OIT3: variants seen among roughly 807,000 people sequenced by gnomAD.
OIT3 encodes oncoprotein induced transcript 3.
Under a neutral mutation model 52.2 loss-of-function variants are expected in OIT3, and 41 were observed. The ratio of observed to expected loss-of-function variants is 0.79; its 90% CI spans 0.61 to 1.02. The LOEUF (loss-of-function observed/expected upper bound fraction) is 1.02, where lower values mean the gene tolerates loss of function less well. Ranked by LOEUF, OIT3 falls within the 50% of genes least tolerant of loss-of-function variation. The probability of loss-of-function intolerance (pLI) is 0.00; values close to 1 mark genes in which losing one functional copy is unlikely to be tolerated. For missense variants in OIT3, 634 were observed against 715.5 expected (o/e 0.89, Z 1.30); for synonymous variants, 244 against 276.9 (o/e 0.88, Z 1.18).
intron 8 of OIT3, among the ~76,000 whole-genome samples, chr10:72,931,497 C>T (rs532145054): frequency 1.1e-4 from 17 of 152,104 alleles, no homozygotes; most frequent in African/African-American, 4.1e-4. Context: ...TAAAAACAAA[C>T]AAAACAAATT....
At chr10:72,930,674 T>G in intron 8 of OIT3, 37 bp downstream of exon 8, 26 of 1,011,198 alleles carry the variant, frequency 2.6e-5, no homozygotes, top group Non-Finnish European at 3.6e-5. Flanking sequence ...CCCCTGAACC[T>G]GAGCCTTTTT....
chr10:72,915,090 T>C (rs1846062132), intron 6 of OIT3, among the ~76,000 whole-genome samples: 1 of 152,138 alleles, frequency 6.6e-6, no homozygotes, highest in African/African-American at 2.4e-5. Context: ...GGTCTTGAAC[T>C]CCTGACCTCA....
At chr10:72,918,651 A>C (rs995589258) in intron 6 of OIT3, 8 of 625,964 alleles carry the variant, frequency 1.3e-5, no homozygotes, top group Non-Finnish European at 2.3e-5. Context: ...TTTTTAACCC[A>C]TCTTGAGTTA....
chr10:72,925,141 C>A (rs1334515389), intron 7 of OIT3, among the ~76,000 whole-genome samples: 1 of 145,910 alleles, frequency 6.9e-6, no homozygotes, highest in African/African-American at 2.5e-5. Context: ...AAAAAGGCTC[C>A]AAGTGGTCTA....
chr10:72,902,162 G>A (rs941689559), intron 3 of OIT3, among the ~76,000 whole-genome samples: 2 of 152,130 alleles, frequency 1.3e-5, no homozygotes, highest in East Asian at 3.8e-4. Flanking sequence ...TAGGGATCTC[G>A]TGTGATTGAT....
rs543511001 is a variant in OIT3, at chr10:72,929,307, C to T, written c.1368-1231C>T. Among the ~76,000 whole-genome samples the T allele has an allele frequency of 3.1e-3, 476 of 151,674 alleles. 4 individuals are homozygous for T. The highest frequency in any genetic ancestry group is 4.8e-3 in the Non-Finnish European group (325 of 67,906). On this transcript the variant is annotated intron_variant, in intron 7 of 8. Coordinates refer to ENST00000334011, the MANE Select transcript of OIT3 (RefSeq NM_152635.3). ...TTAATATCTGACCTCCACTTTTTTC[C>T]TGGCCCAGAAGACAGGAACTATTAG...
Position 72,898,670 on chromosome 10 carries a change from A to G in OIT3, c.68A>G (p.Asp23Gly). Residue 23 changes from aspartate to glycine, a missense_variant, in exon 2 of 9, where the codon GAT becomes GGT. Physicochemically the swap from Asp to Gly is moderately conservative, Grantham distance 94 (BLOSUM62 -1). Coordinates refer to ENST00000334011, the MANE Select transcript of OIT3 (RefSeq NM_152635.3). ...GTATCTTTTTCATTTCCAGCCCTAG[A>G]TCCTTGTTCTGCTTACATCAGCCTG... ...TGTSVSPVAL[D>G]PCSAYISLNE... 6.2e-7 allele frequency: 1 copy of G among 1,602,804 alleles called. No individual in the cohort carries two copies. Among genetic ancestry groups the G allele is most frequent in the Admixed American group, 1.7e-5 (1 of 59,676 alleles).
At chr10:72,927,841 C>T (rs573433545) in intron 7 of OIT3, among the ~76,000 whole-genome samples, 3 of 152,252 alleles carry the variant, frequency 2.0e-5, no homozygotes, top group Admixed American at 1.3e-4. Context: ...ACTGGTTCTT[C>T]GAGATTCATG....
chr10:72,920,523 G>A (rs573323479), intron 6 of OIT3, among the ~76,000 whole-genome samples: 4 of 151,948 alleles, frequency 2.6e-5, no homozygotes, highest in Admixed American at 6.6e-5. Flanking sequence ...TTGTGATGTC[G>A]GGTTGTTAAC....
rs138853485 is a variant in OIT3, at chr10:72,924,325, C to G, written c.1048C>G (p.Leu350Val). 221 of 1,613,986 alleles carry G rather than the reference C, an allele frequency of 1.4e-4. No homozygotes were observed. The highest frequency in any genetic ancestry group is 3.0e-4 in the Admixed American group (18 of 59,992). Residue 350 changes from leucine (L) to valine (V), a missense_variant, in exon 7 of 9, where the codon CTG (leucine) becomes GTG (valine). Coordinates refer to ENST00000334011, the MANE Select transcript of OIT3 (RefSeq NM_152635.3). ...SGDFIIRTSK[L>V]LIPVTCEFPR... The stretch of plus-strand genomic sequence containing the variant: ...GGACTTCATCATCCGAACCAGCAAG[C>G]TGCTGATCCCGGTGACCTGCGAGTT...
At chr10:72,929,878 G>A (rs549217990) in intron 7 of OIT3, among the ~76,000 whole-genome samples, 2 of 152,232 alleles carry the variant, frequency 1.3e-5, no homozygotes, top group African/African-American at 4.8e-5. Flanking sequence ...ACCCTGAAGT[G>A]AACCTAGGTG....
intron 3 of OIT3, among the ~76,000 whole-genome samples, chr10:72,903,743 CT>C (rs770956836): frequency 2.2e-4 from 33 of 152,042 alleles, no homozygotes; most frequent in South Asian, 4.1e-4. Flanking sequence ...AAAATGATAC[CT>C]TACCCAATGT....
intron 4 of OIT3, among the ~76,000 whole-genome samples, chr10:72,909,679 C>T (rs1846012848): frequency 6.6e-6 from 1 of 152,082 alleles, no homozygotes; most frequent in Non-Finnish European, 1.5e-5. Context: ...CTCACAGCAA[C>T]CTCTGCCTCC....
At position 72,924,515 on chromosome 10, in the gene OIT3, G is replaced by A. The variant is rs745422993; in HGVS notation, c.1238G>A (p.Arg413His). Reference protein sequence around the residue: ...YREALPTLKLRDSLYFGIEPV... With the variant: ...YREALPTLKLHDSLYFGIEPV... The stretch of plus-strand genomic sequence containing the variant: ...GAAGCTCTGCCCACCCTCAAGCTTC[G>A]TGACTCCCTCTACTTTGGCATTGAG... Residue 413 changes from arginine to histidine, a missense_variant, in exon 7 of 9, where the codon CGT becomes CAT. Transcript: ENST00000334011. 1.4e-5 allele frequency: 23 copies of A among 1,614,044 alleles called. No individual in the cohort carries two copies. The highest frequency in any genetic ancestry group is 2.2e-5 in the East Asian group (1 of 44,884).
chr10:72,922,871 T>G (rs1405685641), intron 6 of OIT3, among the ~76,000 whole-genome samples: 1 of 151,886 alleles, frequency 6.6e-6, no homozygotes, highest in Non-Finnish European at 1.5e-5. Flanking sequence ...GTTTTGGGGG[T>G]TTTTTTCTCC....
chr10:72,908,098 CT>C (rs1845995877), intron 4 of OIT3, among the ~76,000 whole-genome samples: 1 of 152,104 alleles, frequency 6.6e-6, no homozygotes, highest in Non-Finnish European at 1.5e-5. Flanking sequence ...CAAAAATTAG[CT>C]GGGCGTGGTG....
rs1226243180 is a variant in OIT3 at position 72,911,847 on chromosome 10, A to G, written c.790+8A>G. The G allele has an allele frequency of 6.2e-7, 1 of 1,611,250 alleles. No individual in the cohort carries two copies. Among genetic ancestry groups the G allele is most frequent in the South Asian group, 1.1e-5 (1 of 90,682 alleles). Reference sequence around the variant, plus strand: ...ATAACCACACTTGCCAAGGTAGTACATGGGGCAGGGGGACTTGTCTCTACT... The same window carrying G: ...ATAACCACACTTGCCAAGGTAGTACGTGGGGCAGGGGGACTTGTCTCTACT... On this transcript the variant is annotated splice_region_variant and intron_variant, in intron 5 of 8. Coordinates refer to ENST00000334011, the MANE Select transcript of OIT3 (RefSeq NM_152635.3).
intron 6 of OIT3, chr10:72,918,405 A>C: frequency 1.3e-6 from 1 of 783,326 alleles, no homozygotes; most frequent in South Asian, 1.3e-5. Context: ...GACTGTTTTT[A>C]AAGATAACTG....
chr10:72,931,855 T>C (rs1846219330), intron 8 of OIT3, among the ~76,000 whole-genome samples: 1 of 152,224 alleles, frequency 6.6e-6, no homozygotes, highest in African/African-American at 2.4e-5. Flanking sequence ...CCATCCCAGC[T>C]ATACCATGGT....
Sources: gnomAD v4.1 joint callset for allele counts (sites outside exome capture counted in the v4.1 genomes callset) on GRCh38, gnomAD v4.1.1 for gene constraint, MANE v1.5 for transcripts, NCBI Gene and HGNC (gene_info 2026-07-23, HGNC 2026-07-21) for gene names.